UVRAG: variants seen among roughly 807,000 people sequenced by gnomAD.
The protein encoded by UVRAG is UV radiation resistance associated.
A neutral mutation model predicts 78.0 loss-of-function variants in UVRAG; 19 were observed. That is an observed-to-expected ratio of 0.24 (90% confidence interval 0.17 to 0.36). The LOEUF is 0.36. UVRAG is among the 10% of genes least tolerant of loss of function. The pLI is 1.00. For missense variants in UVRAG, 740 were observed against 853.8 expected, an observed-to-expected ratio of 0.87 and a Z score of 1.66; for synonymous variants, 323 against 324.6, an observed-to-expected ratio of 1.00 and a Z score of 0.05.
chr11:76,129,838 C>T (rs781149529), intron 14 of UVRAG, among the ~76,000 whole-genome samples: 3 of 152,142 alleles, frequency 2.0e-5, no homozygotes, highest in Non-Finnish European at 2.9e-5. Context: ...CTCCCAACTG[C>T]AGCCAGAGTG....
chr11:75,862,031 G>A (rs1301319127), intron 3 of UVRAG, among the ~76,000 whole-genome samples: 2 of 151,938 alleles, frequency 1.3e-5, no homozygotes, highest in South Asian at 2.1e-4. Context: ...ACATGTATAC[G>A]TATGTAACAA....
intron 5 of UVRAG, among the ~76,000 whole-genome samples, chr11:75,895,736 C>T (rs115292382): frequency 0.011 from 1,613 of 151,990 alleles, 30 homozygotes; most frequent in African/African-American, 0.036. Flanking sequence ...CTTGGCCTCC[C>T]GAAGTGTTGG....
chr11:76,012,434 T>A (rs1250531622), intron 11 of UVRAG, among the ~76,000 whole-genome samples: 1 of 152,152 alleles, frequency 6.6e-6, no homozygotes, highest in East Asian at 1.9e-4. Flanking sequence ...GATTCTAAGA[T>A]TCGTATAATT....
Position 75,893,277 on chromosome 11 carries a change from A to C in UVRAG, c.507+4374A>C, listed in dbSNP as rs559774369. 3.1e-4 allele frequency among the ~76,000 whole-genome samples: 47 copies of C among 152,212 alleles called. No homozygotes were observed. The South Asian group carries it at 9.6e-3, about 31-fold the overall frequency. On this transcript the variant is annotated intron_variant, in intron 5 of 14. Coordinates refer to ENST00000356136, the MANE Select transcript of UVRAG (RefSeq NM_003369.4). Reference sequence around the variant, plus strand: ...ACAGAAGTGGAATAGAAACACAAAGAAGTGGGAAGAAGCAGAAGACTTGGG... The same window carrying C: ...ACAGAAGTGGAATAGAAACACAAAGCAGTGGGAAGAAGCAGAAGACTTGGG...
chr11:75,879,165 G>A (rs1199710639), intron 3 of UVRAG, among the ~76,000 whole-genome samples: 1 of 152,112 alleles, frequency 6.6e-6, no homozygotes, highest in Non-Finnish European at 1.5e-5. Flanking sequence ...GTTGTACAGA[G>A]TAAAGTATTC....
chr11:76,026,763 A>G lies in UVRAG; in HGVS notation c.1226+9783A>G, dbSNP rs901473578. On this transcript the variant is annotated intron_variant, in intron 12 of 14. Transcript: ENST00000356136. Reference sequence around the variant, plus strand: ...GGTTCTCTATCTTCCTTGCTATGCAACTTTAAAGTATAATTAAGCAAATAT... The same window carrying G: ...GGTTCTCTATCTTCCTTGCTATGCAGCTTTAAAGTATAATTAAGCAAATAT... 5.9e-5 allele frequency among the ~76,000 whole-genome samples: 9 copies of G among 152,234 alleles called. No individual in the cohort carries two copies. The East Asian group carries it at 1.7e-3, about 29-fold the overall frequency.
At chr11:75,903,561 C>A (rs1947555518) in intron 5 of UVRAG, among the ~76,000 whole-genome samples, 1 of 152,186 alleles carries the variant, frequency 6.6e-6, no homozygotes, top group African/African-American at 2.4e-5. Flanking sequence ...GTGGGACTTT[C>A]CTTCACTGCC....
intron 12 of UVRAG, among the ~76,000 whole-genome samples, chr11:76,043,967 C>G (rs1054093122): frequency 2.0e-4 from 30 of 152,152 alleles, no homozygotes; most frequent in Admixed American, 2.0e-3. Context: ...TTAACAATGA[C>G]TTAAATAAAA....
intron 11 of UVRAG, among the ~76,000 whole-genome samples, chr11:76,012,303 C>T (rs930498324): frequency 4.0e-5 from 6 of 151,260 alleles, no homozygotes; most frequent in African/African-American, 1.5e-4. Context: ...AAAGGAATTA[C>T]CCTCAATTTA....
chr11:75,904,825 A>G (rs759261422), intron 5 of UVRAG, among the ~76,000 whole-genome samples: 3 of 152,224 alleles, frequency 2.0e-5, no homozygotes, highest in Non-Finnish European at 4.4e-5. Flanking sequence ...TGCCTGCCAC[A>G]CTGTAAATGC....
intron 12 of UVRAG, among the ~76,000 whole-genome samples, chr11:76,051,376 T>G (rs1358596605): frequency 6.6e-6 from 1 of 152,184 alleles, no homozygotes; most frequent in Non-Finnish European, 1.5e-5. Flanking sequence ...AGAATTTTTA[T>G]TTAACAAAAT....
At chr11:75,859,375 CAA>C (rs978855562) in intron 2 of UVRAG, among the ~76,000 whole-genome samples, 18 of 95,956 alleles carry the variant, frequency 1.9e-4, no homozygotes, top group Admixed American at 2.3e-4. Flanking sequence ...GACCCTGTCT[CAA>C]AAAAAAAAAA....
At chr11:76,030,337 T>A (rs1950412328) in intron 12 of UVRAG, among the ~76,000 whole-genome samples, 1 of 152,110 alleles carries the variant, frequency 6.6e-6, no homozygotes, top group African/African-American at 2.4e-5. Flanking sequence ...CCGGCCAAGA[T>A]ACTAACTTTT....
At chr11:76,003,288 T>TTTTTTTTTTTTTTTTTG (rs1491521163) in intron 8 of UVRAG, among the ~76,000 whole-genome samples, 5 of 62,550 alleles carry the variant, frequency 8.0e-5, no homozygotes, top group African/African-American at 3.0e-4. Flanking sequence ...TTTTTTTTTT[T>TTTTTTTTTTTTTTTTTG]GGAGACAGAG....
At chr11:75,899,872 A>G (rs965845787) in intron 5 of UVRAG, among the ~76,000 whole-genome samples, 1 of 152,200 alleles carries the variant, frequency 6.6e-6, no homozygotes, top group African/African-American at 2.4e-5. Flanking sequence ...CACATTAGTC[A>G]CTGTATTTGG....
intron 14 of UVRAG, among the ~76,000 whole-genome samples, chr11:76,117,459 G>A (rs1317244534): frequency 6.6e-6 from 1 of 152,030 alleles, no homozygotes; most frequent in African/African-American, 2.4e-5. Flanking sequence ...TGCTTTATTT[G>A]GCTAGCCATC....
chr11:75,932,727 G>A (rs1948269726), intron 6 of UVRAG, among the ~76,000 whole-genome samples: 2 of 152,040 alleles, frequency 1.3e-5, no homozygotes, highest in African/African-American at 4.8e-5. Flanking sequence ...TGAACAATCT[G>A]AAAAAGAAAT....
intron 2 of UVRAG, among the ~76,000 whole-genome samples, chr11:75,858,695 G>A (rs1314713278): frequency 3.3e-5 from 5 of 152,190 alleles, no homozygotes; most frequent in Non-Finnish European, 5.9e-5. Flanking sequence ...ATTGCCCTCC[G>A]TGGGAGTTGT....
intron 5 of UVRAG, among the ~76,000 whole-genome samples, chr11:75,908,873 T>C (rs1013007586): frequency 7.9e-5 from 12 of 152,038 alleles, no homozygotes; most frequent in Non-Finnish European, 1.8e-4. Flanking sequence ...GTCATTTTGG[T>C]AGTTTGGTAG....
Sources: gnomAD v4.1 joint callset for allele counts (sites outside exome capture counted in the v4.1 genomes callset) on GRCh38, gnomAD v4.1.1 for gene constraint, MANE v1.5 for transcripts, NCBI Gene and HGNC (gene_info 2026-07-23, HGNC 2026-07-21) for gene names.